OCA2: variants seen among roughly 807,000 people sequenced by gnomAD.
The protein encoded by OCA2 is P protein.
A neutral mutation model predicts 100.2 loss-of-function variants in OCA2; 77 were observed. The ratio of observed to expected loss-of-function variants is 0.77; its 90% CI spans 0.64 to 0.93. OCA2 has a LOEUF of 0.93. Ranked by LOEUF, OCA2 falls within the 40% of genes least tolerant of loss-of-function variation. OCA2 has a pLI of 0.00. For synonymous variants in OCA2, 432 were observed against 439.2 expected (o/e 0.98, Z 0.21); for missense variants, 1,062 against 1,089.1 (o/e 0.98, Z 0.35).
At chr15:27,879,198 T>C (rs2036912348) in intron 19 of OCA2, among the ~76,000 whole-genome samples, 1 of 152,226 alleles carries the variant, frequency 6.6e-6, no homozygotes, top group South Asian at 2.1e-4. Context: ...TTCCTTTTTA[T>C]GGCTGCAGAG....
chr15:27,782,734 A>G (rs1328402686), intron 23 of OCA2, among the ~76,000 whole-genome samples: 1 of 152,118 alleles, frequency 6.6e-6, no homozygotes, highest in Non-Finnish European at 1.5e-5. Flanking sequence ...TCCTAACCTG[A>G]TTCTTTGGAG....
intron 19 of OCA2, among the ~76,000 whole-genome samples, chr15:27,887,163 G>A (rs1407201348): frequency 6.6e-6 from 1 of 152,192 alleles, no homozygotes; most frequent in Non-Finnish European, 1.5e-5. Context: ...GGCCTCCCCA[G>A]CCATGTTGAC....
chr15:27,995,324 C>A (rs1204554653), intron 9 of OCA2, among the ~76,000 whole-genome samples: 3 of 152,178 alleles, frequency 2.0e-5, no homozygotes, highest in Non-Finnish European at 2.9e-5. Flanking sequence ...CTCTAGCACA[C>A]ACAAAAAAGT....
chr15:28,087,252 G>A (rs2141944992), intron 1 of OCA2, among the ~76,000 whole-genome samples: 1 of 152,222 alleles, frequency 6.6e-6, no homozygotes, highest in South Asian at 2.1e-4. Context: ...AGAAGAAAAT[G>A]ACATAACATT....
the OCA2 span, among the ~76,000 whole-genome samples, chr15:27,745,727 A>C: frequency 2.6e-5 from 4 of 152,204 alleles, no homozygotes; most frequent in Non-Finnish European, 4.4e-5. Flanking sequence ...GGCACCTTTT[A>C]AAGGTCTGAA....
At position 27,966,745 on chromosome 15, in the gene OCA2, G is replaced by A; in HGVS notation, c.1581C>T (p.Leu527=). The stretch of plus-strand genomic sequence containing the variant: ...GCTTTCTGTTCCAGTAAAGGAGTCT[G>A]AGGAGCGGAAAGCAGACCAGGAGAA... ...CLVLLVCFPL[L]RLLYWNRKLY... Residue 527 remains leucine, a synonymous_variant, in exon 15 of 24, where the codon CTC becomes CTT. Transcript: ENST00000354638. 6.2e-7 allele frequency: 1 copy of A among 1,613,946 alleles called. No homozygotes were observed. The highest frequency in any genetic ancestry group is 8.5e-7 in the Non-Finnish European group (1 of 1,180,012).
At chr15:27,959,990 G>A (rs2040357045) in intron 15 of OCA2, among the ~76,000 whole-genome samples, 1 of 152,144 alleles carries the variant, frequency 6.6e-6, no homozygotes, top group South Asian at 2.1e-4. Flanking sequence ...ACCTGTCCAT[G>A]TATCAGTTCC....
chr15:28,098,282 T>C (rs749528692), intron 1 of OCA2, among the ~76,000 whole-genome samples: 8 of 152,226 alleles, frequency 5.3e-5, no homozygotes, highest in Non-Finnish European at 1.2e-4. Context: ...TGTGTTCAGG[T>C]TCAATCCTCA....
chr15:27,895,944 G>T, intron 19 of OCA2: 1 of 680,600 alleles, frequency 1.5e-6, no homozygotes, highest in Non-Finnish European at 2.7e-6. Flanking sequence ...GCATATGCAT[G>T]TGAACTACGA....
intron 9 of OCA2, among the ~76,000 whole-genome samples, chr15:27,992,037 A>G (rs1208799865): frequency 6.6e-6 from 1 of 151,798 alleles, no homozygotes; most frequent in East Asian, 1.9e-4. Flanking sequence ...CTAAAATCCA[A>G]TAACTTGCTA....
chr15:27,815,902 C>T (rs1477065762), intron 23 of OCA2, among the ~76,000 whole-genome samples: 2 of 152,162 alleles, frequency 1.3e-5, no homozygotes, highest in African/African-American at 4.8e-5. Flanking sequence ...GAGGCTGAGG[C>T]GGGTAGATCA....
At chr15:27,772,267 T>A (rs1009548192) in intron 23 of OCA2, among the ~76,000 whole-genome samples, 1 of 152,238 alleles carries the variant, frequency 6.6e-6, no homozygotes, top group African/African-American at 2.4e-5. Flanking sequence ...ACTTTGTCAA[T>A]GTTACTGAAA....
At chr15:27,926,922 T>G (rs1261115690) in intron 18 of OCA2, among the ~76,000 whole-genome samples, 1 of 152,180 alleles carries the variant, frequency 6.6e-6, no homozygotes, top group Non-Finnish European at 1.5e-5. Flanking sequence ...CCTGTTGTAT[T>G]TTTTGTCTGA....
At chr15:27,827,321 G>A (rs1339556601) in intron 23 of OCA2, among the ~76,000 whole-genome samples, 1 of 152,182 alleles carries the variant, frequency 6.6e-6, no homozygotes, top group African/African-American at 2.4e-5. Flanking sequence ...TGAACGGCAA[G>A]CACCATAAAA....
intron 3 of OCA2, among the ~76,000 whole-genome samples, chr15:28,030,091 A>G (rs2042869707): frequency 6.6e-6 from 1 of 152,226 alleles, no homozygotes; most frequent in African/African-American, 2.4e-5. Flanking sequence ...ATAGGTGCGT[A>G]AAGTTTTTGT....
At chr15:27,832,605 G>C (rs1032041229) in intron 23 of OCA2, among the ~76,000 whole-genome samples, 6 of 152,154 alleles carry the variant, frequency 3.9e-5, no homozygotes, top group Non-Finnish European at 7.3e-5. Context: ...CAGTACCACT[G>C]ACCCACACTG....
intron 19 of OCA2, among the ~76,000 whole-genome samples, chr15:27,881,346 AG>A (rs2151545422): frequency 6.6e-6 from 1 of 152,248 alleles, no homozygotes; most frequent in African/African-American, 2.4e-5. Flanking sequence ...TAACTCTGCC[AG>A]GTTTTGGTAT....
the OCA2 span, among the ~76,000 whole-genome samples, chr15:27,719,393 C>T: frequency 6.6e-6 from 1 of 152,026 alleles, no homozygotes. Context: ...CCTCAGTTAC[C>T]TTTTTAAAGG....
intron 14 of OCA2, among the ~76,000 whole-genome samples, chr15:27,969,420 C>T (rs1282616465): frequency 1.3e-5 from 2 of 152,156 alleles, no homozygotes; most frequent in African/African-American, 4.8e-5. Context: ...CAGATGTTTG[C>T]ACTAAGCTTA....
Sources: allele counts gnomAD v4.1 joint callset (sites outside exome capture counted in the v4.1 genomes callset), GRCh38; gene constraint gnomAD v4.1.1; transcripts MANE v1.5; gene names NCBI Gene and HGNC (gene_info 2026-07-23, HGNC 2026-07-21).